PDE4D: variants seen among roughly 807,000 people sequenced by gnomAD.
The protein encoded by PDE4D is 3',5'-cyclic-AMP phosphodiesterase 4D.
In PDE4D, 24 loss-of-function variants were observed where a neutral mutation model predicts 87.4. The observed-to-expected ratio is 0.27, with a 90% CI of 0.20 to 0.39. PDE4D has a LOEUF of 0.39. Ranked by LOEUF, PDE4D falls within the 10% of genes least tolerant of loss-of-function variation. The pLI, the probability that PDE4D is intolerant of heterozygous loss-of-function variation, is 1.00. For synonymous variants in PDE4D, 384 were observed against 383.2 expected, an observed-to-expected ratio of 1.00 and a Z score of -0.02; for missense variants, 714 against 1,041.0, an observed-to-expected ratio of 0.69 and a Z score of 4.32.
intron 1 of PDE4D, among the ~76,000 whole-genome samples, chr5:59,730,444 G>A (rs971801667): frequency 6.6e-6 from 1 of 152,124 alleles, no homozygotes; most frequent in Non-Finnish European, 1.5e-5. Flanking sequence ...ACTTTAAAAT[G>A]CAGTCACTTT....
intron 1 of PDE4D, among the ~76,000 whole-genome samples, chr5:60,216,352 T>C (rs1583104628): frequency 6.6e-6 from 1 of 152,148 alleles, no homozygotes; most frequent in East Asian, 1.9e-4. Flanking sequence ...TAGACATCTA[T>C]TATTTGTGTC....
intron 1 of PDE4D, among the ~76,000 whole-genome samples, chr5:59,473,807 T>C (rs1802852903): frequency 6.6e-6 from 1 of 152,112 alleles, no homozygotes; most frequent in Admixed American, 6.6e-5. Context: ...AAGGAAGCCA[T>C]AAAGTAAACT....
chr5:60,415,253 T>TA (rs1742393126), intron 1 of PDE4D, among the ~76,000 whole-genome samples: 1 of 152,252 alleles, frequency 6.6e-6, no homozygotes, highest in South Asian at 2.1e-4. Flanking sequence ...ACCTGGTTCC[T>TA]AAAACCTCCA....
At chr5:59,678,707 C>T (rs1392683762) in intron 1 of PDE4D, among the ~76,000 whole-genome samples, 2 of 152,080 alleles carry the variant, frequency 1.3e-5, no homozygotes, top group Admixed American at 6.6e-5. Flanking sequence ...TCAAGTGATC[C>T]GCCTTGGCCT....
chr5:60,408,138 C>T (rs1428539578), intron 1 of PDE4D, among the ~76,000 whole-genome samples: 3 of 152,144 alleles, frequency 2.0e-5, no homozygotes, highest in Non-Finnish European at 2.9e-5. Context: ...TCCTGGCATC[C>T]GGTCTCCCCT....
At chr5:59,047,983 T>A (rs1002269371) in intron 5 of PDE4D, among the ~76,000 whole-genome samples, 2 of 152,174 alleles carry the variant, frequency 1.3e-5, no homozygotes, top group Non-Finnish European at 2.9e-5. Flanking sequence ...GAAATAAAAG[T>A]TTGTTGTTTA....
chr5:59,230,832 C>T (rs1246638325), intron 1 of PDE4D, among the ~76,000 whole-genome samples: 1 of 152,134 alleles, frequency 6.6e-6, no homozygotes, highest in Non-Finnish European at 1.5e-5. Flanking sequence ...CTTAATGGGG[C>T]TTGAATGAAT....
chr5:60,485,457 G>A (rs1749064967), intron 1 of PDE4D, among the ~76,000 whole-genome samples: 1 of 151,468 alleles, frequency 6.6e-6, no homozygotes, highest in Non-Finnish European at 1.5e-5. Flanking sequence ...TCTTCAATTT[G>A]GATTTATGTC....
intron 1 of PDE4D, among the ~76,000 whole-genome samples, chr5:60,512,867 T>A (rs1750636397): frequency 6.6e-6 from 1 of 152,126 alleles, no homozygotes; most frequent in Non-Finnish European, 1.5e-5. Context: ...TGTGGGTATA[T>A]CTAAATAGAT....
chr5:60,369,963 G>A (rs1343476000), intron 1 of PDE4D, among the ~76,000 whole-genome samples: 15 of 152,194 alleles, frequency 9.9e-5, no homozygotes, highest in Admixed American at 9.2e-4. Flanking sequence ...ATCCACAGAT[G>A]TCATTTGTAA....
At chr5:59,836,595 T>G (rs926156897) in intron 1 of PDE4D, among the ~76,000 whole-genome samples, 3 of 150,418 alleles carry the variant, frequency 2.0e-5, no homozygotes, top group Admixed American at 6.6e-5. Flanking sequence ...TCACTACTTT[T>G]TCTGTCTTAC....
At chr5:59,576,066 A>C (rs983308961) in intron 1 of PDE4D, among the ~76,000 whole-genome samples, 3 of 152,178 alleles carry the variant, frequency 2.0e-5, no homozygotes, top group Non-Finnish European at 4.4e-5. Context: ...TGATTACCCT[A>C]GGCAACCTGG....
chr5:59,272,219 C>A (rs915872143), intron 1 of PDE4D, among the ~76,000 whole-genome samples: 1 of 151,944 alleles, frequency 6.6e-6, no homozygotes, highest in Admixed American at 6.6e-5. Flanking sequence ...AGTCCACTTC[C>A]ATTGACTAAA....
chr5:59,332,994 C>A (rs963497387), intron 1 of PDE4D, among the ~76,000 whole-genome samples: 9 of 152,190 alleles, frequency 5.9e-5, no homozygotes, highest in Non-Finnish European at 1.2e-4. Flanking sequence ...GTGCCACCTA[C>A]TTAAAAGTAA....
intron 1 of PDE4D, among the ~76,000 whole-genome samples, chr5:59,491,786 A>G (rs1247750906): frequency 6.6e-6 from 1 of 152,234 alleles, no homozygotes; most frequent in East Asian, 1.9e-4. Flanking sequence ...AGATATAGAA[A>G]TTGCTCTTTA....
intron 3 of PDE4D, among the ~76,000 whole-genome samples, chr5:59,921,858 C>T (rs1754703112): frequency 6.6e-6 from 1 of 152,124 alleles, no homozygotes; most frequent in Non-Finnish European, 1.5e-5. Context: ...CAATGATCCA[C>T]ACAAAAAGGT....
At chr5:59,727,163 T>C (rs1756720879) in intron 1 of PDE4D, among the ~76,000 whole-genome samples, 1 of 152,106 alleles carries the variant, frequency 6.6e-6, no homozygotes, top group African/African-American at 2.4e-5. Flanking sequence ...AATCCAACAA[T>C]AGCCTCCTGA....
intron 1 of PDE4D, among the ~76,000 whole-genome samples, chr5:59,497,241 A>G (rs1022302990): frequency 1.3e-5 from 2 of 152,000 alleles, no homozygotes; most frequent in African/African-American, 4.8e-5. Context: ...GCTCTCTCAG[A>G]TGAGAAGGAA....
At chr5:59,931,532 T>A (rs1295562747) in intron 3 of PDE4D, among the ~76,000 whole-genome samples, 4 of 152,140 alleles carry the variant, frequency 2.6e-5, no homozygotes, top group Non-Finnish European at 4.4e-5. Context: ...GCAAGGGGAC[T>A]GAGCATGCCA....
Sources: allele counts gnomAD v4.1 joint callset (sites outside exome capture counted in the v4.1 genomes callset), GRCh38; gene constraint gnomAD v4.1.1; transcripts MANE v1.5; gene names NCBI Gene and HGNC (gene_info 2026-07-23, HGNC 2026-07-21).